The following NREP variants were observed in gnomAD, a reference collection of about 807,000 sequenced individuals.
The protein encoded by NREP is neuronal regeneration related protein, also known as neuronal regeneration-related protein.
NREP carries 5 observed loss-of-function variants against 8.6 expected under a neutral mutation model. The observed-to-expected ratio is 0.58, with a 90% CI of 0.30 to 1.22. The LOEUF (loss-of-function observed/expected upper bound fraction) is 1.22, where lower values mean the gene tolerates loss of function less well. Among genes scored for constraint, NREP ranks in the 50% most tolerant of loss-of-function variants. The pLI is 0.07. For missense variants in NREP, 86 were observed against 82.5 expected, an observed-to-expected ratio of 1.04 and a Z score of -0.17; for synonymous variants, 27 against 28.0, an observed-to-expected ratio of 0.96 and a Z score of 0.11.
chr5:111,747,203 C>T (rs993802602), intron 2 of NREP, among the ~76,000 whole-genome samples: 1 of 152,180 alleles, frequency 6.6e-6, no homozygotes, highest in Non-Finnish European at 1.5e-5. Context: ...CATATAAATA[C>T]TGACTAGTTT....
intron 2 of NREP, among the ~76,000 whole-genome samples, chr5:111,866,631 C>A (rs1206775160): frequency 1.3e-5 from 2 of 152,102 alleles, no homozygotes; most frequent in African/African-American, 2.4e-5. Flanking sequence ...TTGACCCAGC[C>A]ATCCCATTAC....
intron 2 of NREP, among the ~76,000 whole-genome samples, chr5:111,862,424 C>G (rs376907294): frequency 6.6e-6 from 1 of 152,040 alleles, no homozygotes; most frequent in African/African-American, 2.4e-5. Flanking sequence ...TGACAGAGTA[C>G]GGCGAGGCTT....
chr5:111,887,410 T>G (rs896977225), intron 2 of NREP, among the ~76,000 whole-genome samples: 1 of 152,208 alleles, frequency 6.6e-6, no homozygotes, highest in Admixed American at 6.5e-5. Flanking sequence ...GCAGAATTGT[T>G]ACTTCAAATA....
At chr5:111,888,554 T>C (rs1754318601) in intron 2 of NREP, among the ~76,000 whole-genome samples, 1 of 152,168 alleles carries the variant, frequency 6.6e-6, no homozygotes, top group South Asian at 2.1e-4. Context: ...GTCCCACCTT[T>C]GACATGTGGG....
In NREP at chr5:111,780,678, G is replaced by C. The variant is rs1407921378; in HGVS notation, c.136-45171C>G. Among the ~76,000 whole-genome samples the C allele has an allele frequency of 6.6e-5, 10 of 152,286 alleles. No individual in the cohort carries two copies. The East Asian group carries it at 1.9e-3, about 29-fold the overall frequency. ...GAATAGGGAAATAATATGAAGCACA[G>C]TTAGACAATTCACTAATGAAACTAA... is the stretch of plus-strand genomic sequence containing the variant. On this transcript the variant is annotated intron_variant, in intron 2 of 3. Coordinates refer to the NREP transcript ENST00000395634.
At chr5:111,843,193 G>C (rs1753075138) in intron 2 of NREP, among the ~76,000 whole-genome samples, 1 of 151,838 alleles carries the variant, frequency 6.6e-6, no homozygotes, top group Non-Finnish European at 1.5e-5. Flanking sequence ...TGGTTTTGTT[G>C]ATAGTGTCCT....
intron 2 of NREP, among the ~76,000 whole-genome samples, chr5:111,878,122 A>G (rs940695278): frequency 5.9e-5 from 9 of 152,246 alleles, no homozygotes; most frequent in African/African-American, 2.2e-4. Context: ...GGCCTTTACC[A>G]ATACCCAAGA....
At chr5:111,780,342 T>C (rs1404128224) in intron 2 of NREP, among the ~76,000 whole-genome samples, 1 of 152,038 alleles carries the variant, frequency 6.6e-6, no homozygotes, top group Non-Finnish European at 1.5e-5. Context: ...CATAAGAAAA[T>C]GAAAGGTATT....
At chr5:111,945,963 G>A (rs960733442) in intron 2 of NREP, among the ~76,000 whole-genome samples, 2 of 151,892 alleles carry the variant, frequency 1.3e-5, no homozygotes, top group African/African-American at 2.4e-5. Context: ...TGTATATACA[G>A]TAAGCAGACC....
chr5:111,793,248 AT>A (rs1751792302), intron 2 of NREP, among the ~76,000 whole-genome samples: 1 of 152,178 alleles, frequency 6.6e-6, no homozygotes, highest in Non-Finnish European at 1.5e-5. Context: ...GAGGAGATTT[AT>A]TATGCAAATT....
At chr5:111,798,771 GTGTGTATGTGTGTGTGTA>G (rs935143469) in intron 2 of NREP, among the ~76,000 whole-genome samples, 1 of 16,640 alleles carries the variant, frequency 6.0e-5, no homozygotes, top group Non-Finnish European at 1.1e-4. Flanking sequence ...GTGTGTGTGT[GTGTGTATGTGTGTGTGTA>G]TACATATATA....
At chr5:111,867,530 A>G (rs1441624720) in intron 2 of NREP, among the ~76,000 whole-genome samples, 1 of 152,076 alleles carries the variant, frequency 6.6e-6, no homozygotes, top group Non-Finnish European at 1.5e-5. Flanking sequence ...ATCTTCAAAT[A>G]TTGTGTGAGA....
At chr5:111,788,983 G>A (rs1306325914) in intron 2 of NREP, among the ~76,000 whole-genome samples, 1 of 152,184 alleles carries the variant, frequency 6.6e-6, no homozygotes, top group African/African-American at 2.4e-5. Context: ...CGCCTGACAT[G>A]AGCTCTTCGT....
At chr5:111,876,054 C>T (rs1753900548) in intron 2 of NREP, among the ~76,000 whole-genome samples, 1 of 152,050 alleles carries the variant, frequency 6.6e-6, no homozygotes, top group South Asian at 2.1e-4. Context: ...CAGTGCATAC[C>T]CCCATCTTTA....
intron 2 of NREP, among the ~76,000 whole-genome samples, chr5:111,964,953 T>C (rs1040866575): frequency 8.3e-5 from 12 of 145,416 alleles, no homozygotes; most frequent in African/African-American, 2.6e-4. Flanking sequence ...TACTATTCCA[T>C]GTAATAAGAA....
intron 2 of NREP, among the ~76,000 whole-genome samples, chr5:111,943,204 C>T (rs1755880589): frequency 1.3e-5 from 2 of 152,030 alleles, no homozygotes; most frequent in Admixed American, 6.6e-5. Context: ...TAGTCATTTC[C>T]ATATTAATAA....
At chr5:111,731,243 T>C (rs778053126) in intron 3 of NREP, among the ~76,000 whole-genome samples, 197 bp from the exon 4 acceptor site, 3 of 152,096 alleles carry the variant, frequency 2.0e-5, no homozygotes, top group Non-Finnish European at 2.9e-5. Flanking sequence ...TGTGAGGAAA[T>C]GAAGTAATTA....
At chr5:111,757,719 G>T, upstream of NREP, 1 of 984,604 alleles carries the variant, frequency 1.0e-6, no homozygotes, top group Non-Finnish European at 1.2e-6. Context: ...GCAGCTCTGC[G>T]CCCCGGCCCC....
chr5:111,731,195 A>G (rs752644784), intron 3 of NREP, 149 bp from the exon 4 acceptor site: 122 of 749,664 alleles, frequency 1.6e-4, no homozygotes, highest in Non-Finnish European at 2.3e-4. Context: ...CAGAGTTTAC[A>G]TATTAAACAC....
Sources: gnomAD v4.1 joint callset for allele counts (sites outside exome capture counted in the v4.1 genomes callset) on GRCh38, gnomAD v4.1.1 for gene constraint, MANE v1.5 for transcripts, NCBI Gene and HGNC (gene_info 2026-07-23, HGNC 2026-07-21) for gene names.